Variants in YTHDF2 observed in about 807,000 individuals in gnomAD.
YTHDF2 encodes the protein YTH domain-containing family protein 2.
Under a neutral mutation model 50.4 loss-of-function variants are expected in YTHDF2, and 2 were observed. That is an observed-to-expected ratio of 0.04 (90% CI 0.02 to 0.12). YTHDF2 has a LOEUF of 0.12. Ranked by LOEUF, YTHDF2 falls within the 10% of genes least tolerant of loss-of-function variation. The probability of loss-of-function intolerance (pLI) is 1.00; values close to 1 mark genes in which losing one functional copy is unlikely to be tolerated. For synonymous variants in YTHDF2, 217 were observed against 255.6 expected (o/e 0.85, Z 1.44); for missense variants, 483 against 722.6 (o/e 0.67, Z 3.80).
intron 4 of YTHDF2, among the ~76,000 whole-genome samples, chr1:28,765,559 A>G (rs1318431058): frequency 6.6e-6 from 1 of 151,904 alleles, no homozygotes; most frequent in Non-Finnish European, 1.5e-5. Flanking sequence ...CCAAGTAGCT[A>G]ATCCAAGTAG....
chr1:28,737,822 C>T (rs2087718518), intron 2 of YTHDF2, 140 bp downstream of exon 2: 9 of 993,724 alleles, frequency 9.1e-6, no homozygotes, highest in South Asian at 3.1e-5. Context: ...AGTATTTTGA[C>T]CCTTTCGGTG....
chr1:28,756,549 A>G (rs1412721553), intron 4 of YTHDF2, among the ~76,000 whole-genome samples: 2 of 152,136 alleles, frequency 1.3e-5, no homozygotes, highest in Admixed American at 6.6e-5. Context: ...AAGATACCTG[A>G]AGCATCTCTC....
At chr1:28,745,355 T>A (rs560825325) in intron 4 of YTHDF2, among the ~76,000 whole-genome samples, 108 of 152,288 alleles carry the variant, frequency 7.1e-4, no homozygotes, top group African/African-American at 2.5e-3. Flanking sequence ...GAGAACCAGA[T>A]TATTGAAAAG....
intron 4 of YTHDF2, among the ~76,000 whole-genome samples, chr1:28,752,118 G>A (rs141448908): frequency 1.2e-4 from 18 of 152,306 alleles, no homozygotes; most frequent in Admixed American, 2.6e-4. Flanking sequence ...GCTAGTTGGA[G>A]CCAGCTGTTT....
intron 4 of YTHDF2, among the ~76,000 whole-genome samples, chr1:28,755,896 C>T (rs575202346): frequency 6.6e-6 from 1 of 152,106 alleles, no homozygotes; most frequent in African/African-American, 2.4e-5. Context: ...ACATTTCTTA[C>T]CCCAAGAATT....
rs754654980 is a variant in YTHDF2 at position 28,743,129 on chromosome 1, G to A, written c.859G>A (p.Ala287Thr). 6.2e-7 allele frequency: 1 copy of A among 1,614,170 alleles called. No individual in the cohort carries two copies. The highest frequency in any genetic ancestry group is 8.5e-7 in the Non-Finnish European group (1 of 1,180,026). Residue 287 changes from alanine to threonine, a missense_variant, in exon 4 of 5, where the codon GCC (alanine) becomes ACC (threonine). Coordinates refer to ENST00000373812, the MANE Select transcript of YTHDF2 (RefSeq NM_016258.3). The surrounding 1 kb of genome is among the most constrained non-coding windows in gnomAD (Gnocchi z 6.9). ...GGATAACAAGGGTCCCGTTGCAAAA[G>A]CCCCCTCACAGGCTTTGGTTCAGAA... ...TWDNKGPVAK[A>T]PSQALVQNIG...
chr1:28,737,110 A>C lies in YTHDF2; in HGVS notation c.-11A>C, dbSNP rs766811222. On this transcript the variant is annotated 5_prime_UTR_variant, in exon 1 of 5. Coordinates refer to ENST00000373812, the MANE Select transcript of YTHDF2 (RefSeq NM_016258.3). ...TTCGCCGCCGTCGCCGCCCGTGAGG[A>C]TCTGAGAGCCATGTCGGCCAGCAGC... 1.3e-6 allele frequency: 2 copies of C among 1,597,500 alleles called. No homozygotes were observed. The highest frequency in any genetic ancestry group is 3.4e-5 in the Admixed American group (2 of 58,452).
intron 1 of YTHDF2, 77 bp from the exon 2 acceptor site, chr1:28,737,581 C>T: frequency 6.2e-7 from 1 of 1,602,092 alleles, no homozygotes; most frequent in Non-Finnish European, 8.5e-7. Context: ...CCCTTCGGGC[C>T]CTGCCTTAAT....
intron 4 of YTHDF2, among the ~76,000 whole-genome samples, chr1:28,750,071 A>G: frequency 7.0e-6 from 1 of 142,546 alleles, no homozygotes; most frequent in Admixed American, 7.5e-5. Context: ...GCTCACTGCA[A>G]CCTCTGCCTC....
In YTHDF2 at chr1:28,737,200, G is replaced by T. The variant is rs184827662; in HGVS notation, c.27+53G>T. The T allele has an allele frequency of 2.0e-6, 3 of 1,516,360 alleles. No individual in the cohort carries two copies. The East Asian group carries it at 7.8e-5, about 39-fold the overall frequency. The allele number at this position is 1,516,360 out of a possible 1,614,324, so 93.9% of individuals were successfully genotyped here. A position where few individuals can be genotyped will look rare whatever the true frequency, so the allele number is the denominator to read the frequency against. ...CATTGTGTGAGGCGAGAAGGAGCCCGACTAGGCCCGGGCCCGCCGCTCCTG... is the reference window on the plus strand; with the variant it reads ...CATTGTGTGAGGCGAGAAGGAGCCCTACTAGGCCCGGGCCCGCCGCTCCTG... On this transcript the variant is annotated intron_variant, in intron 1 of 4. Coordinates refer to ENST00000373812, the MANE Select transcript of YTHDF2 (RefSeq NM_016258.3).
intron 2 of YTHDF2, chr1:28,737,978 C>T (rs1400079490): frequency 1.7e-6 from 1 of 580,922 alleles, no homozygotes; most frequent in East Asian, 2.9e-5. Context: ...GGATCACTCT[C>T]TGGAAGTACT....
chr1:28,756,159 A>T (rs1413302665), intron 4 of YTHDF2, among the ~76,000 whole-genome samples: 1 of 152,232 alleles, frequency 6.6e-6, no homozygotes, highest in African/African-American at 2.4e-5. Context: ...AAGAGCTATT[A>T]TAAAGCTCTT....
At chr1:28,758,040 G>A (rs990660782) in intron 4 of YTHDF2, among the ~76,000 whole-genome samples, 2 of 152,176 alleles carry the variant, frequency 1.3e-5, no homozygotes, top group Admixed American at 1.3e-4. Context: ...TACCTAGGAA[G>A]TAGAACTGGG....
chr1:28,762,118 C>T (rs560870996), intron 4 of YTHDF2, among the ~76,000 whole-genome samples: 1 of 152,232 alleles, frequency 6.6e-6, no homozygotes, highest in African/African-American at 2.4e-5. Flanking sequence ...CCTAGCCGGG[C>T]GTGGTGGCTC....
intron 4 of YTHDF2, among the ~76,000 whole-genome samples, chr1:28,755,602 C>A (rs992332879): frequency 1.3e-5 from 2 of 151,994 alleles, no homozygotes; most frequent in Non-Finnish European, 2.9e-5. Context: ...GAGAAAAGGA[C>A]TATGGAAAAA....
At chr1:28,750,585 T>G (rs1395902192) in intron 4 of YTHDF2, among the ~76,000 whole-genome samples, 1 of 152,194 alleles carries the variant, frequency 6.6e-6, no homozygotes, top group Non-Finnish European at 1.5e-5. Context: ...CAGATCTTTT[T>G]AGAAAGGTTG....
intron 4 of YTHDF2, among the ~76,000 whole-genome samples, chr1:28,749,998 T>TA (rs1289684767): frequency 6.9e-6 from 1 of 145,568 alleles, no homozygotes; most frequent in African/African-American, 2.5e-5. Flanking sequence ...TTTTTTTTTT[T>TA]TTTTTTTTTG....
chr1:28,764,793 C>T (rs2088192418), intron 4 of YTHDF2, among the ~76,000 whole-genome samples: 1 of 152,162 alleles, frequency 6.6e-6, no homozygotes, highest in African/African-American at 2.4e-5. Context: ...TCCCACCTTC[C>T]TCGGCCTCCT....
upstream of YTHDF2, chr1:28,736,889 G>C: frequency 7.6e-6 from 4 of 522,882 alleles, no homozygotes; most frequent in East Asian, 1.5e-4. Context: ...TAGGCGGTGG[G>C]GGGCGGGCGC....
Sources: gnomAD v4.1 joint callset for allele counts (sites outside exome capture counted in the v4.1 genomes callset) on GRCh38, gnomAD v4.1.1 for gene constraint, Gnocchi (gnomAD v3.1) non-coding constraint, MANE v1.5 for transcripts, NCBI Gene and HGNC (gene_info 2026-07-23, HGNC 2026-07-21) for gene names.